The following CCNI variants were observed in gnomAD, a reference collection of about 807,000 sequenced individuals.
The protein encoded by CCNI is cyclin-I.
CCNI carries 14 observed loss-of-function variants against 34.1 expected under a neutral mutation model. The observed-to-expected ratio is 0.41, with a 90% CI of 0.27 to 0.64. The LOEUF is 0.64. Ranked by LOEUF, CCNI falls within the 30% of genes least tolerant of loss-of-function variation. The probability of loss-of-function intolerance (pLI) is 0.31; values close to 1 mark genes in which losing one functional copy is unlikely to be tolerated. For missense variants in CCNI, 385 were observed against 440.5 expected (o/e 0.87, Z 1.13); for synonymous variants, 154 against 158.4 (o/e 0.97, Z 0.21).
At chr4:77,070,486 T>TC (rs1208463936) in intron 1 of CCNI, among the ~76,000 whole-genome samples, 1 of 151,428 alleles carries the variant, frequency 6.6e-6, no homozygotes, top group Non-Finnish European at 1.5e-5. Flanking sequence ...TTTTTTTTTT[T>TC]TTTTTTTGAC....
At chr4:77,060,625 ATTT>A (rs558884443) in intron 2 of CCNI, among the ~76,000 whole-genome samples, 2 of 133,412 alleles carry the variant, frequency 1.5e-5, no homozygotes, top group South Asian at 4.8e-4. Flanking sequence ...GGCCCGGCTA[ATTT>A]TTTTTTTTTT....
intron 2 of CCNI, among the ~76,000 whole-genome samples, chr4:77,061,418 TAGA>T (rs1441675633): frequency 5.9e-5 from 9 of 152,194 alleles, no homozygotes; most frequent in Non-Finnish European, 1.5e-5. Context: ...TAAATAGGAT[TAGA>T]AGGATTCAGT....
rs1306237353 is a variant in CCNI at position 77,056,258 on chromosome 4, C to T, written c.309G>A (p.Glu103=). The T allele has an allele frequency of 3.1e-6, 5 of 1,612,378 alleles. No individual in the cohort carries two copies. The African/African-American group carries it at 4.0e-5, about 13-fold the overall frequency. Residue 103 remains glutamate (E), a synonymous_variant, in exon 4 of 7, where the codon GAG becomes GAA. Transcript: ENST00000237654. ...SCFFLAAKTV[E]EDERIPVLKV... Reference sequence around the variant, plus strand: ...TGAAAGGATTTATTACCTCATCTTCCTCAACAGTCTTGGCAGCTAGGAAAA... The same window carrying T: ...TGAAAGGATTTATTACCTCATCTTCTTCAACAGTCTTGGCAGCTAGGAAAA...
At position 77,056,072 on chromosome 4, in the gene CCNI, C is replaced by T. The variant is rs1352656561; in HGVS notation, c.349G>A (p.Asp117Asn). 1 of 1,613,854 alleles carries T rather than the reference C, an allele frequency of 6.2e-7. No individual in the cohort carries two copies. Among genetic ancestry groups the T allele is most frequent in the Non-Finnish European group, 8.5e-7 (1 of 1,179,818 alleles). The change falls in exon 5 of 7, where the codon GAC becomes AAC. Residue 117 changes from aspartate to asparagine, a missense_variant. Asp to Asn is a conservative substitution (Grantham distance 23, BLOSUM62 1). Around this residue, in one of 2 missense-constraint regions of CCNI, gnomAD observed 135 missense variants for 191.8 expected, o/e 0.70. Coordinates refer to ENST00000237654, the MANE Select transcript of CCNI (RefSeq NM_006835.3). ...GATGAGGAACATCCACAGAAACTGT[C>T]TCTTGCCAATACCTTTAGTACTGGA... The part of the protein sequence containing the change: ...RIPVLKVLAR[D>N]SFCGCSSSEI...
chr4:77,048,731 T>G, intron 6 of CCNI, 69 bp from the exon 7 acceptor site: 3 of 1,225,666 alleles, frequency 2.4e-6, no homozygotes, highest in Non-Finnish European at 3.3e-6. Context: ...CTGTTATCTC[T>G]GGTGGCCATT....
intron 1 of CCNI, among the ~76,000 whole-genome samples, chr4:77,069,916 T>C (rs909274397): frequency 6.6e-6 from 1 of 152,036 alleles, no homozygotes; most frequent in Non-Finnish European, 1.5e-5. Flanking sequence ...TGCTCACCAA[T>C]TCATCTTTTC....
chr4:77,053,446 GAA>G (rs61202602), intron 6 of CCNI, among the ~76,000 whole-genome samples: 1 of 151,618 alleles, frequency 6.6e-6, no homozygotes, highest in African/African-American at 2.4e-5. Context: ...CAGCTAAGAA[GAA>G]AAAAAAGTTT....
chr4:77,067,125 G>A (rs533599618), intron 1 of CCNI, among the ~76,000 whole-genome samples: 18 of 152,144 alleles, frequency 1.2e-4, no homozygotes, highest in South Asian at 4.2e-4. Context: ...CCAGCTACTC[G>A]GGAGGCTGAA....
intron 1 of CCNI, among the ~76,000 whole-genome samples, chr4:77,071,218 C>G (rs1414436707): frequency 6.6e-6 from 1 of 152,178 alleles, no homozygotes; most frequent in Non-Finnish European, 1.5e-5. Flanking sequence ...CTCAGTATGA[C>G]TTTCAAATAT....
intron 2 of CCNI, among the ~76,000 whole-genome samples, chr4:77,063,567 G>A (rs921476891): frequency 2.0e-5 from 3 of 151,624 alleles, no homozygotes; most frequent in Non-Finnish European, 4.4e-5. Context: ...GCGGGCGCCT[G>A]TAGTCCCAGC....
chr4:77,050,200 A>C (rs1288186619), intron 6 of CCNI, among the ~76,000 whole-genome samples: 2 of 152,130 alleles, frequency 1.3e-5, no homozygotes, highest in Non-Finnish European at 2.9e-5. Flanking sequence ...CATTCCTTCC[A>C]GGACTGGCTA....
At chr4:77,055,516 G>A (rs1488920016) in intron 5 of CCNI, 136 bp from the exon 6 acceptor site, 4 of 630,326 alleles carry the variant, frequency 6.3e-6, no homozygotes, top group Non-Finnish European at 1.1e-5. Context: ...AGGCTGGAGT[G>A]CAGTAGCATG....
intron 2 of CCNI, among the ~76,000 whole-genome samples, chr4:77,065,702 A>G (rs1185038278): frequency 6.6e-6 from 1 of 152,208 alleles, no homozygotes; most frequent in Admixed American, 6.5e-5. Context: ...AAACCTAACT[A>G]TTTTCCCAAA....
At chr4:77,050,072 C>T (rs1444652068) in intron 6 of CCNI, among the ~76,000 whole-genome samples, 2 of 152,110 alleles carry the variant, frequency 1.3e-5, no homozygotes, top group Non-Finnish European at 2.9e-5. Context: ...TCCTAGCATA[C>T]CCTCAACTTG....
intron 1 of CCNI, among the ~76,000 whole-genome samples, chr4:77,071,879 A>G (rs1729491202): frequency 6.6e-6 from 1 of 152,218 alleles, no homozygotes; most frequent in Non-Finnish European, 1.5e-5. Context: ...TTGTAAAACC[A>G]AAGATTTAAA....
intron 2 of CCNI, among the ~76,000 whole-genome samples, chr4:77,062,444 C>T (rs1338058763): frequency 1.3e-5 from 2 of 151,970 alleles, no homozygotes; most frequent in East Asian, 1.9e-4. Flanking sequence ...CCTGTTACCT[C>T]AGCTACTTGG....
At chr4:77,073,282 T>C (rs1218975409) in intron 1 of CCNI, among the ~76,000 whole-genome samples, 1 of 152,216 alleles carries the variant, frequency 6.6e-6, no homozygotes, top group Non-Finnish European at 1.5e-5. Flanking sequence ...TAGCTTAATG[T>C]CTGAGGTAAT....
chr4:77,066,317 A>G lies in CCNI; in HGVS notation c.46T>C (p.Leu16=), dbSNP rs1729032220. 2 of 1,613,858 alleles carry G rather than the reference A, an allele frequency of 1.2e-6. No individual in the cohort carries two copies. Among genetic ancestry groups the G allele is most frequent in the Non-Finnish European group, 1.7e-6 (2 of 1,179,722 alleles). The change falls in exon 2 of 7, where the codon TTG becomes CTG. Residue 16 remains leucine, a synonymous_variant. Transcript: ENST00000237654. ...PLENQRLSFL[L]EKAITREAQM... ...GCTTCCCTAGTGATTGCCTTTTCCA[A>G]CAGGAAAGACAATCTCTGGTTTTCC...
intron 3 of CCNI, 81 bp from the exon 4 acceptor site, chr4:77,056,404 A>T: frequency 4.2e-6 from 4 of 946,590 alleles, no homozygotes; most frequent in Non-Finnish European, 6.8e-6. Context: ...TTAAAAACCT[A>T]GATATGCAGA....
Sources: allele counts gnomAD v4.1 joint callset (sites outside exome capture counted in the v4.1 genomes callset), GRCh38; gene constraint gnomAD v4.1.1; regional missense constraint gnomAD v4.1.1; transcripts MANE v1.5; gene names NCBI Gene and HGNC (gene_info 2026-07-23, HGNC 2026-07-21).